Variants in RGS6 observed in about 807,000 individuals in gnomAD.
The protein encoded by RGS6 is regulator of G protein signaling 6.
In RGS6, 30 loss-of-function variants were observed where a neutral mutation model predicts 78.5. The observed-to-expected ratio is 0.38, with a 90% confidence interval of 0.29 to 0.52. The LOEUF is 0.52. Ranked by LOEUF, RGS6 falls within the 20% of genes least tolerant of loss-of-function variation. RGS6 has a pLI of 0.85. For synonymous variants in RGS6, 206 were observed against 206.0 expected (o/e 1.00, Z 0.00); for missense variants, 495 against 609.7 (o/e 0.81, Z 1.98).
At chr14:72,004,388 T>G (rs144607899) in intron 2 of RGS6, among the ~76,000 whole-genome samples, 2,292 of 152,280 alleles carry the variant, frequency 0.015, 51 homozygotes, top group African/African-American at 0.05. Flanking sequence ...AATGCATAAT[T>G]CATAAAGAAG....
intron 2 of RGS6, among the ~76,000 whole-genome samples, chr14:72,292,228 C>T (rs1351531956): frequency 6.6e-6 from 1 of 152,218 alleles, no homozygotes; most frequent in African/African-American, 2.4e-5. Flanking sequence ...GTAGACTTGA[C>T]ACCCCTGTAT....
Position 72,263,233 on chromosome 14 carries a change from T to C in RGS6, c.85-88862T>C, listed in dbSNP as rs1027044351. On this transcript the variant is annotated intron_variant, in intron 2 of 17. Transcript: ENST00000553525. ...GTGACTTGTATAATTGTATAATTGATAGTCCAGAGAAGGTCCAAATTAGTT... is the reference window on the plus strand; with the variant it reads ...GTGACTTGTATAATTGTATAATTGACAGTCCAGAGAAGGTCCAAATTAGTT... Among the ~76,000 whole-genome samples the C allele has an allele frequency of 2.6e-5, 4 of 152,240 alleles. No individual in the cohort carries two copies. In the East Asian group the frequency reaches 7.7e-4, roughly 29 times the overall value.
intron 2 of RGS6, among the ~76,000 whole-genome samples, chr14:72,270,559 A>G (rs2059788108): frequency 6.6e-6 from 1 of 152,226 alleles, no homozygotes; most frequent in South Asian, 2.1e-4. Flanking sequence ...AAACAAAAGC[A>G]ATTTCAGTTG....
intron 2 of RGS6, among the ~76,000 whole-genome samples, chr14:72,062,522 G>A (rs1378596413): frequency 6.6e-6 from 1 of 152,264 alleles, no homozygotes; most frequent in Non-Finnish European, 1.5e-5. Context: ...AGATGATGGA[G>A]TTTGGACACA....
At chr14:72,499,681 T>C (rs1210220552) in intron 13 of RGS6, among the ~76,000 whole-genome samples, 1 of 152,152 alleles carries the variant, frequency 6.6e-6, no homozygotes, top group Admixed American at 6.5e-5. Flanking sequence ...TTTGTTGTTT[T>C]TTTTTTACTT....
intron 2 of RGS6, among the ~76,000 whole-genome samples, chr14:72,037,773 G>T (rs1408005196): frequency 1.3e-5 from 2 of 152,104 alleles, no homozygotes; most frequent in Non-Finnish European, 2.9e-5. Flanking sequence ...ACGTTACAGG[G>T]TGTGTTATGT....
chr14:72,177,257 G>A (rs1231441907), intron 2 of RGS6, among the ~76,000 whole-genome samples: 2 of 152,068 alleles, frequency 1.3e-5, no homozygotes, highest in African/African-American at 4.8e-5. Flanking sequence ...TCGAATTATA[G>A]GTTCCATAGG....
At chr14:71,879,718 T>G in the RGS6 span, among the ~76,000 whole-genome samples, 1 of 152,236 alleles carries the variant, frequency 6.6e-6, no homozygotes, top group Non-Finnish European at 1.5e-5. Flanking sequence ...CCCAGCCATG[T>G]GGAACTGTGA....
chr14:72,298,995 G>A (rs899010880), intron 2 of RGS6, among the ~76,000 whole-genome samples: 1 of 152,058 alleles, frequency 6.6e-6, no homozygotes, highest in African/African-American at 2.4e-5. Context: ...TTCTTCTTGG[G>A]TAATTTTGTT....
At chr14:72,471,725 C>T (rs1160421081) in intron 8 of RGS6, among the ~76,000 whole-genome samples, 4 of 152,228 alleles carry the variant, frequency 2.6e-5, no homozygotes, top group African/African-American at 9.7e-5. Context: ...GACCACCCAG[C>T]AGCCCCCCGG....
At chr14:72,156,925 A>G (rs1334425706) in intron 2 of RGS6, among the ~76,000 whole-genome samples, 4 of 152,094 alleles carry the variant, frequency 2.6e-5, no homozygotes, top group Non-Finnish European at 5.9e-5. Context: ...GCCAACCAAG[A>G]CTGAGACAAT....
chr14:72,038,870 A>C (rs1196525741), intron 2 of RGS6, among the ~76,000 whole-genome samples: 2 of 151,988 alleles, frequency 1.3e-5, no homozygotes, highest in African/African-American at 2.4e-5. Context: ...GGACAGTTTT[A>C]TTTCTTCTTT....
intron 1 of RGS6, among the ~76,000 whole-genome samples, chr14:71,941,189 G>A (rs539902792): frequency 6.6e-6 from 1 of 152,292 alleles, no homozygotes; most frequent in South Asian, 2.1e-4. Context: ...ATGGTCAAAT[G>A]TGCTATGTAC....
intron 2 of RGS6, among the ~76,000 whole-genome samples, chr14:72,317,051 A>G (rs1475857313): frequency 6.6e-6 from 1 of 152,144 alleles, no homozygotes; most frequent in African/African-American, 2.4e-5. Context: ...AAAAGATGCA[A>G]AAGTCAGGCA....
intron 2 of RGS6, among the ~76,000 whole-genome samples, chr14:72,271,894 G>C (rs1345985773): frequency 3.4e-5 from 5 of 148,446 alleles, no homozygotes; most frequent in African/African-American, 5.0e-5. Flanking sequence ...AGCAGCAGTA[G>C]TTGAGTCCTC....
At chr14:72,019,494 A>G (rs1364539096) in intron 2 of RGS6, among the ~76,000 whole-genome samples, 1 of 152,190 alleles carries the variant, frequency 6.6e-6, no homozygotes, top group Non-Finnish European at 1.5e-5. Flanking sequence ...TGGGTGCACC[A>G]TTAGCACTTC....
chr14:72,477,542 C>A (rs1203483777), intron 11 of RGS6, among the ~76,000 whole-genome samples: 1 of 151,548 alleles, frequency 6.6e-6, no homozygotes, highest in East Asian at 1.9e-4. Flanking sequence ...CACCTGTAAT[C>A]CCAGCACTTT....
chr14:72,009,365 A>G lies in RGS6; in HGVS notation c.84+44490A>G, dbSNP rs962537445. 2.0e-5 allele frequency among the ~76,000 whole-genome samples: 3 copies of G among 151,756 alleles called. No individual in the cohort carries two copies. The East Asian group carries it at 5.8e-4, about 29-fold the overall frequency. On this transcript the variant is annotated intron_variant, in intron 2 of 17. Coordinates refer to ENST00000553525, the MANE Select transcript of RGS6 (RefSeq NM_001204424.2). ...CCCCCACCCCAAACTCTAAAAAAAA[A>G]CAGACAAAAACATTGAGCACTAAGT...
chr14:72,088,609 C>A (rs1007664434), intron 2 of RGS6, among the ~76,000 whole-genome samples: 1 of 151,970 alleles, frequency 6.6e-6, no homozygotes, highest in African/African-American at 2.4e-5. Context: ...CCCACCCCTT[C>A]CCAGCCACTT....
Sources: allele counts gnomAD v4.1 joint callset (sites outside exome capture counted in the v4.1 genomes callset), GRCh38; gene constraint gnomAD v4.1.1; transcripts MANE v1.5; gene names NCBI Gene and HGNC (gene_info 2026-07-23, HGNC 2026-07-21).